PID1: variants seen among roughly 807,000 people sequenced by gnomAD.
PID1 encodes PTB-containing, cubilin and LRP1-interacting protein.
In PID1, 10 loss-of-function variants were observed where a neutral mutation model predicts 19.1. The observed-to-expected ratio is 0.52, with a 90% CI of 0.32 to 0.89. The LOEUF (loss-of-function observed/expected upper bound fraction) is 0.89. PID1 is among the 40% of genes least tolerant of loss of function. PID1 has a pLI of 0.03. For synonymous variants in PID1, 130 were observed against 116.0 expected (o/e 1.12, Z -0.78); for missense variants, 248 against 285.3 (o/e 0.87, Z 0.94).
At chr2:229,260,980 T>G (rs1690450331) in intron 1 of PID1, among the ~76,000 whole-genome samples, 1 of 152,182 alleles carries the variant, frequency 6.6e-6, no homozygotes, top group Non-Finnish European at 1.5e-5. Context: ...CATGTGACTT[T>G]ATTTGGTCAG....
At chr2:229,194,866 A>C (rs1373438480) in intron 1 of PID1, among the ~76,000 whole-genome samples, 2 of 151,972 alleles carry the variant, frequency 1.3e-5, no homozygotes, top group Admixed American at 6.6e-5. Flanking sequence ...TATAGTATAG[A>C]TATATACCCA....
rs1553564413 is a variant in PID1 at position 229,129,429 on chromosome 2, A to AG, written c.177+26388_177+26389insC. On this transcript the variant is annotated intron_variant, in intron 2 of 2. Coordinates refer to ENST00000392055, the MANE Select transcript of PID1 (RefSeq NM_001100818.2). ...ACTCCATCTCAAAAAAAAAAAAAAA[A>AG]AGAGAGAGAGAGGCTCATTTATTGC... is the stretch of plus-strand genomic sequence containing the variant. Among the ~76,000 whole-genome samples the AG allele has an allele frequency of 1.5e-3, 232 of 151,474 alleles. 3 individuals are homozygous for AG. The highest frequency in any genetic ancestry group is 0.014 in the Admixed American group (211 of 15,144).
At chr2:229,139,025 AAGAAAGAAAGAAAGAGAAAG>A (rs1689926423) in intron 2 of PID1, among the ~76,000 whole-genome samples, 1 of 88,126 alleles carries the variant, frequency 1.1e-5, no homozygotes, top group South Asian at 4.0e-4. Flanking sequence ...GAAAGAAAGA[AAGAAAGAAAGAAAGAGAAAG>A]AAAGAAAGAA....
chr2:229,159,920 G>A (rs1002892981), intron 1 of PID1, among the ~76,000 whole-genome samples: 13 of 152,284 alleles, frequency 8.5e-5, no homozygotes, highest in African/African-American at 2.2e-4. Context: ...GGTCTGGAAG[G>A]AGCCACATAG....
intron 1 of PID1, among the ~76,000 whole-genome samples, chr2:229,163,680 T>TGTGTGTGCGCGCGC (rs1365270238): frequency 3.7e-4 from 38 of 103,804 alleles, no homozygotes; most frequent in East Asian, 1.2e-3. Flanking sequence ...TGTGTGCGTG[T>TGTGTGTGCGCGCGC]GCGTGTGTGT....
At chr2:229,212,175 T>C (rs1691752102) in intron 1 of PID1, among the ~76,000 whole-genome samples, 1 of 152,200 alleles carries the variant, frequency 6.6e-6, no homozygotes, top group African/African-American at 2.4e-5. Flanking sequence ...AAAACACCTG[T>C]TTGAGGATTC....
chr2:229,032,021 C>G (rs2106166124), intron 2 of PID1, among the ~76,000 whole-genome samples: 1 of 152,124 alleles, frequency 6.6e-6, no homozygotes, highest in Admixed American at 6.5e-5. Flanking sequence ...CTCTGATTTT[C>G]AAGGGAAATT....
intron 1 of PID1, among the ~76,000 whole-genome samples, chr2:229,270,811 C>T (rs1227013): frequency 0.98 from 148,914 of 152,298 alleles, 72,901 homozygotes; most frequent in East Asian, 1. Context: ...AACGCCTGAA[C>T]CCGTGCGTTT....
intron 1 of PID1, among the ~76,000 whole-genome samples, chr2:229,204,200 G>C (rs1691557067): frequency 6.6e-6 from 1 of 152,060 alleles, no homozygotes. Context: ...TATTGCTAGA[G>C]CTGCTGATCA....
Position 229,071,542 on chromosome 2 carries a change from C to T in PID1, c.178-45434G>A, listed in dbSNP as rs553383903. 1.1e-4 allele frequency among the ~76,000 whole-genome samples: 16 copies of T among 152,308 alleles called. No individual in the cohort carries two copies. In the South Asian group the frequency reaches 3.1e-3, roughly 30 times the overall value. On this transcript the variant is annotated intron_variant, in intron 2 of 2. Coordinates refer to ENST00000392055, the MANE Select transcript of PID1 (RefSeq NM_001100818.2). ...AATAGAGGAAACAAAACAGATGGCG[C>T]CCAGCTGGCCAGTCCATGATATCTT...
At chr2:229,185,069 T>TATATATCCTCC (rs75302836) in intron 1 of PID1, among the ~76,000 whole-genome samples, 29 of 139,812 alleles carry the variant, frequency 2.1e-4, no homozygotes, top group South Asian at 4.5e-4. Context: ...ATCCTCCATA[T>TATATATCCTCC]ATATATATCC....
chr2:229,195,893 CAA>C (rs1243534326), intron 1 of PID1, among the ~76,000 whole-genome samples: 3 of 151,950 alleles, frequency 2.0e-5, no homozygotes, highest in Non-Finnish European at 4.4e-5. Context: ...TTATAGACTG[CAA>C]ATGCTCAGAA....
chr2:229,222,314 C>T (rs372144773), intron 1 of PID1, among the ~76,000 whole-genome samples: 3 of 152,154 alleles, frequency 2.0e-5, no homozygotes, highest in Non-Finnish European at 4.4e-5. Context: ...CTGTTATGGT[C>T]ACTATTGTTA....
chr2:229,150,859 T>C (rs939843078), intron 2 of PID1, among the ~76,000 whole-genome samples: 1 of 152,024 alleles, frequency 6.6e-6, no homozygotes, highest in African/African-American at 2.4e-5. Flanking sequence ...GTGCCTTTTT[T>C]TTTTTTTTAA....
chr2:229,178,798 A>G (rs1259831881), intron 1 of PID1, among the ~76,000 whole-genome samples: 10 of 152,116 alleles, frequency 6.6e-5, no homozygotes, highest in Non-Finnish European at 1.5e-5. Flanking sequence ...CAGAGGCGGA[A>G]AGTGTCTCTT....
intron 1 of PID1, among the ~76,000 whole-genome samples, chr2:229,248,928 T>G (rs1258997234): frequency 6.6e-6 from 1 of 152,246 alleles, no homozygotes; most frequent in Non-Finnish European, 1.5e-5. Context: ...TTAGGAATCT[T>G]AGAGACCTCT....
At chr2:229,187,463 C>T (rs536093267) in intron 1 of PID1, among the ~76,000 whole-genome samples, 86 of 152,240 alleles carry the variant, frequency 5.6e-4, no homozygotes, top group South Asian at 5.2e-3. Context: ...CTTACATGAA[C>T]GGCGGCAGGC....
intron 1 of PID1, among the ~76,000 whole-genome samples, chr2:229,159,399 T>C (rs1290661405): frequency 1.3e-5 from 2 of 152,192 alleles, no homozygotes; most frequent in South Asian, 2.1e-4. Context: ...ATCAGTTGAT[T>C]TGAAGTAAGG....
At chr2:229,136,584 A>T (rs1689861823) in intron 2 of PID1, among the ~76,000 whole-genome samples, 1 of 152,234 alleles carries the variant, frequency 6.6e-6, no homozygotes, top group African/African-American at 2.4e-5. Flanking sequence ...AGTTACCTAC[A>T]TATGAAAATA....
Sources: allele counts gnomAD v4.1 joint callset (sites outside exome capture counted in the v4.1 genomes callset), GRCh38; gene constraint gnomAD v4.1.1; transcripts MANE v1.5; gene names NCBI Gene and HGNC (gene_info 2026-07-23, HGNC 2026-07-21).